KLHL26: variants seen among roughly 807,000 people sequenced by gnomAD.
KLHL26 encodes kelch-like protein 26.
A neutral mutation model predicts 7.1 loss-of-function variants in KLHL26; 4 were observed. The ratio of observed to expected loss-of-function variants is 0.56; its 90% CI spans 0.28 to 1.28. The LOEUF (loss-of-function observed/expected upper bound fraction) is 1.28, where lower values mean the gene tolerates loss of function less well. KLHL26 is among the 50% of genes most tolerant of loss of function. The pLI, the probability that KLHL26 is intolerant of heterozygous loss-of-function variation, is 0.11. For missense variants in KLHL26, 896 were observed against 924.6 expected (o/e 0.97, Z 0.40); for synonymous variants, 465 against 414.1 (o/e 1.12, Z -1.49).
At chr19:18,658,503 G>C (rs72997357) in intron 1 of KLHL26, among the ~76,000 whole-genome samples, 189 of 89,996 alleles carry the variant, frequency 2.1e-3, no homozygotes, top group African/African-American at 4.7e-3. Context: ...CTGTCTCCCT[G>C]TCTCTGGGTC....
At chr19:18,644,226 C>G (rs1976763248) in intron 1 of KLHL26, among the ~76,000 whole-genome samples, 2 of 152,158 alleles carry the variant, frequency 1.3e-5, no homozygotes, top group African/African-American at 2.4e-5. Context: ...ATGTTGTAGC[C>G]TAAATCAGCA....
At position 18,642,338 on chromosome 19, in the gene KLHL26, A is replaced by AGTGTGTGTGTGTGTGT. The variant is rs1204260630; in HGVS notation, c.83+5230_83+5245dup. Among the ~76,000 whole-genome samples the AGTGTGTGTGTGTGTGT allele has an allele frequency of 5.7e-3, 712 of 123,872 alleles. 12 individuals are homozygous for AGTGTGTGTGTGTGTGT. Among genetic ancestry groups the AGTGTGTGTGTGTGTGT allele is most frequent in the East Asian group, 0.027 (107 of 4,014 alleles). 81.3% of individuals were successfully genotyped at this position (123,872 alleles called of 152,430 possible). ...CCCAGGACACTTTTGCTAGTCACCT[A>AGTGTGTGTGTGTGTGT]GTGTGTGTGTGTGTGTGTGTGTGTG... On this transcript the variant is annotated intron_variant, in intron 1 of 2. Transcript: ENST00000300976.
rs73531682 is a variant in KLHL26, at chr19:18,646,948, C to T, written c.83+9811C>T. ...AGGAGTAGGCCTGGGAGCAGGAGCT[C>T]GGCAGGGCGGGGGCAGGGGCGGCGG... On this transcript the variant is annotated intron_variant, in intron 1 of 2. Coordinates refer to ENST00000300976, the MANE Select transcript of KLHL26 (RefSeq NM_018316.3). The surrounding 1 kb of genome is among the most constrained non-coding windows in gnomAD (Gnocchi z 5.0). 0.012 allele frequency among the ~76,000 whole-genome samples: 1,426 copies of T among 118,792 alleles called. 32 individuals are homozygous for T. The highest frequency in any genetic ancestry group is 0.042 in the African/African-American group (1,322 of 31,676). The allele number at this position is 118,792 out of a possible 152,430, so 77.9% of individuals were successfully genotyped here. A position where few individuals can be genotyped will look rare whatever the true frequency, so the allele number is the denominator to read the frequency against.
Position 18,668,314 on chromosome 19 carries a change from C to G in KLHL26, c.917C>G (p.Ser306Trp), listed in dbSNP as rs754382650. Residue 306 changes from serine (S) to tryptophan (W), a missense_variant, in exon 3 of 3, where the codon TCG (serine) becomes TGG (tryptophan). By Grantham distance (177) the Ser-to-Trp change is radical. Coordinates refer to ENST00000300976, the MANE Select transcript of KLHL26 (RefSeq NM_018316.3). ...EMQSPRTAVR[S>W]DVPSLVTFGG... ...CAGTCTCCGCGCACCGCCGTGCGCTCGGATGTGCCCTCGCTCGTCACCTTC... is the reference window on the plus strand; with the variant it reads ...CAGTCTCCGCGCACCGCCGTGCGCTGGGATGTGCCCTCGCTCGTCACCTTC... 6.2e-7 allele frequency: 1 copy of G among 1,610,934 alleles called. No homozygotes were observed. The highest frequency in any genetic ancestry group is 2.2e-5 in the East Asian group (1 of 44,860).
At position 18,646,318 on chromosome 19, in the gene KLHL26, C is replaced by A. The variant is rs892021842; in HGVS notation, c.83+9181C>A. Among the ~76,000 whole-genome samples the A allele has an allele frequency of 2.0e-5, 3 of 152,084 alleles. No individual in the cohort carries two copies. Among genetic ancestry groups the A allele is most frequent in the African/African-American group, 7.2e-5 (3 of 41,424 alleles). On this transcript the variant is annotated intron_variant, in intron 1 of 2. Coordinates refer to ENST00000300976, the MANE Select transcript of KLHL26 (RefSeq NM_018316.3). The surrounding 1 kb of genome is among the most constrained non-coding windows in gnomAD (Gnocchi z 5.0). ...TGTATTTTTAGGAGAGATGGGGTTT[C>A]ATCATGTTGGCCAGGCTGGTCTCGA...
rs1163235894 is a variant in KLHL26 at position 18,648,721 on chromosome 19, A to T, written c.83+11584A>T. On this transcript the variant is annotated intron_variant, in intron 1 of 2. Coordinates refer to ENST00000300976, the MANE Select transcript of KLHL26 (RefSeq NM_018316.3). The surrounding 1 kb of genome is among the most constrained non-coding windows in gnomAD (Gnocchi z 4.9). ...CCCACCAGCAGGTCCCAGTCCTGGG[A>T]ATGTCCCTCCTCCTGAGAGAAGGCC... Among the ~76,000 whole-genome samples, 1 of 152,076 alleles carries T rather than the reference A, an allele frequency of 6.6e-6. No individual in the cohort carries two copies. The highest frequency in any genetic ancestry group is 2.4e-5 in the African/African-American group (1 of 41,404).
chr19:18,656,209 C>G lies in KLHL26; in HGVS notation c.84-8052C>G, dbSNP rs2052331182. 6.6e-6 allele frequency among the ~76,000 whole-genome samples: 1 copy of G among 152,186 alleles called. No homozygotes were observed. The highest frequency in any genetic ancestry group is 6.5e-5 in the Admixed American group (1 of 15,282). Reference sequence around the variant, plus strand: ...ACCTGCAGGATGGGGGTGGACGGGCCTCAGCTTTCTGCTCCCAGCTCTGTG... The same window carrying G: ...ACCTGCAGGATGGGGGTGGACGGGCGTCAGCTTTCTGCTCCCAGCTCTGTG... On this transcript the variant is annotated intron_variant, in intron 1 of 2. Coordinates refer to ENST00000300976, the MANE Select transcript of KLHL26 (RefSeq NM_018316.3). This position sits in a 1 kb window ranked among gnomAD's most constrained non-coding sequence, Gnocchi z 4.4.
chr19:18,670,985 T>C lies in KLHL26; in HGVS notation c.*1740T>C, dbSNP rs2052520924. 6.6e-6 allele frequency: 1 copy of C among 152,386 alleles called. No individual in the cohort carries two copies. Among genetic ancestry groups the C allele is most frequent in the Non-Finnish European group, 1.5e-5 (1 of 68,198 alleles). 9.4% of individuals were successfully genotyped at this position (152,386 alleles called of 1,614,324 possible). On this transcript the variant is annotated 3_prime_UTR_variant, in exon 3 of 3. Transcript: ENST00000300976. ...GCCTCTGCCTCCCAAAGTGCTGGGA[T>C]TACAGGTGTGAGCCACCATGCCCGG... is the stretch of plus-strand genomic sequence containing the variant.
chr19:18,642,040 AC>A (rs1251186183), intron 1 of KLHL26, among the ~76,000 whole-genome samples: 16 of 151,888 alleles, frequency 1.1e-4, no homozygotes, highest in Non-Finnish European at 2.2e-4. Context: ...TGTGGGGAGA[AC>A]CCCTAATGTG....
rs1315536472 is a variant in KLHL26 at position 18,669,640 on chromosome 19, A to C, written c.*395A>C. ...TCAGGCATTCAGATGTGAGCTCATC[A>C]ACATTGAACCCAAAGTCGGTGGTAT... On this transcript the variant is annotated 3_prime_UTR_variant, in exon 3 of 3. Coordinates refer to ENST00000300976, the MANE Select transcript of KLHL26 (RefSeq NM_018316.3). 3 of 390,558 alleles carry C rather than the reference A, an allele frequency of 7.7e-6. No homozygotes were observed. The highest frequency in any genetic ancestry group is 1.4e-5 in the Non-Finnish European group (3 of 217,884). 24.2% of individuals were successfully genotyped at this position (390,558 alleles called of 1,614,324 possible).
Position 18,669,288 on chromosome 19 carries a change from C to A in KLHL26, c.*43C>A. On this transcript the variant is annotated 3_prime_UTR_variant, in exon 3 of 3. Transcript: ENST00000300976. ...ACCCTGGCCTGACCGCATGTTGTCT[C>A]CAAGTGGGGCTTGGCGAATGCACGT... is the stretch of plus-strand genomic sequence containing the variant. 6.7e-7 allele frequency: 1 copy of A among 1,503,732 alleles called. No individual in the cohort carries two copies. The highest frequency in any genetic ancestry group is 1.4e-5 in the African/African-American group (1 of 72,614). 93.1% of individuals were successfully genotyped at this position (1,503,732 alleles called of 1,614,324 possible).
Position 18,668,140 on chromosome 19 carries a change from T to C in KLHL26, c.743T>C (p.Leu248Pro). The change falls in exon 3 of 3, where the codon CTC (leucine) becomes CCC (proline). Residue 248 changes from leucine to proline, a missense_variant. Coordinates refer to ENST00000300976, the MANE Select transcript of KLHL26 (RefSeq NM_018316.3). ...PARRPRASHV[L>P]CHIRFPLMQS... Reference sequence around the variant, plus strand: ...CGGCGGCCGCGCGCCAGCCACGTGCTCTGCCACATTCGCTTCCCGCTCATG... The same window carrying C: ...CGGCGGCCGCGCGCCAGCCACGTGCCCTGCCACATTCGCTTCCCGCTCATG... 1 of 1,605,878 alleles carries C rather than the reference T, an allele frequency of 6.2e-7. No individual in the cohort carries two copies. The highest frequency in any genetic ancestry group is 8.5e-7 in the Non-Finnish European group (1 of 1,178,962).
chr19:18,658,025 G>A (rs565837774), intron 1 of KLHL26, among the ~76,000 whole-genome samples: 35 of 152,060 alleles, frequency 2.3e-4, no homozygotes, highest in African/African-American at 8.2e-4. Context: ...TTTGTGGAAT[G>A]GGTGGGACCC....
At chr19:18,663,116 A>G (rs1389532411) in intron 1 of KLHL26, among the ~76,000 whole-genome samples, 6 of 152,168 alleles carry the variant, frequency 3.9e-5, no homozygotes, top group Admixed American at 3.9e-4. Context: ...CAGGGACTCA[A>G]AGGCTTTCCA....
At chr19:18,637,484 G>T (rs1404393250) in intron 1 of KLHL26, among the ~76,000 whole-genome samples, 1 of 152,118 alleles carries the variant, frequency 6.6e-6, no homozygotes, top group Admixed American at 6.6e-5. Flanking sequence ...GCCTGAGCAG[G>T]GGCCATGCCA....
rs769408497 is a variant in KLHL26, at chr19:18,668,652, G to C, written c.1255G>C (p.Gly419Arg). Residue 419 changes from glycine (G) to arginine (R), a missense_variant, in exon 3 of 3, where the codon GGC becomes CGC. Coordinates refer to ENST00000300976, the MANE Select transcript of KLHL26 (RefSeq NM_018316.3). ...NVLCGMVYAT[G>R]GRNRAGSLAS... ...GCTGTGCGGCATGGTGTACGCCACG[G>C]GCGGCCGCAACCGAGCCGGCAGCCT... 6.4e-7 allele frequency: 1 copy of C among 1,569,038 alleles called. No individual in the cohort carries two copies. Among genetic ancestry groups the C allele is most frequent in the Non-Finnish European group, 8.6e-7 (1 of 1,162,642 alleles).
chr19:18,659,810 CT>C (rs1420902972), intron 1 of KLHL26: 1 of 152,264 alleles, frequency 6.6e-6, no homozygotes, highest in Non-Finnish European at 1.5e-5. Flanking sequence ...TCTTGTCCCC[CT>C]AGGCAGCCCC....
At position 18,668,553 on chromosome 19, in the gene KLHL26, T is replaced by C; in HGVS notation, c.1156T>C (p.Tyr386His). ...GGGCGCAGTGGACGCCTGCTACCGC[T>C]ACGACCCCCACCTGAATCGCTGGCT... ...GEGAVDACYRYDPHLNRWLRL... is the reference protein window; with the variant it reads ...GEGAVDACYRHDPHLNRWLRL... Residue 386 changes from tyrosine (Y) to histidine (H), a missense_variant, in exon 3 of 3, where the codon TAC becomes CAC. Transcript: ENST00000300976. 3 of 1,594,450 alleles carry C rather than the reference T, an allele frequency of 1.9e-6. No individual in the cohort carries two copies. The highest frequency in any genetic ancestry group is 2.6e-6 in the Non-Finnish European group (3 of 1,174,468).
chr19:18,665,781 G>A (rs780136782), intron 2 of KLHL26, among the ~76,000 whole-genome samples: 19 of 152,302 alleles, frequency 1.2e-4, no homozygotes, highest in Non-Finnish European at 2.4e-4. Context: ...TGACCAGCAG[G>A]TGAGCCTCCT....
Sources: gnomAD v4.1 joint callset for allele counts (sites outside exome capture counted in the v4.1 genomes callset) on GRCh38, gnomAD v4.1.1 for gene constraint, Gnocchi (gnomAD v3.1) non-coding constraint, MANE v1.5 for transcripts, NCBI Gene and HGNC (gene_info 2026-07-23, HGNC 2026-07-21) for gene names.